SEC24B: variants seen among roughly 807,000 people sequenced by gnomAD.
SEC24B encodes the protein protein transport protein Sec24B.
A neutral mutation model predicts 142.8 loss-of-function variants in SEC24B; 45 were observed. That is an observed-to-expected ratio of 0.32 (90% CI 0.25 to 0.40). The LOEUF (loss-of-function observed/expected upper bound fraction) is 0.40. Among genes scored for constraint, SEC24B ranks in the 10% least tolerant of loss-of-function variants. The probability of loss-of-function intolerance (pLI) is 1.00; values close to 1 mark genes in which losing one functional copy is unlikely to be tolerated. For missense variants in SEC24B, 1,409 were observed against 1,526.8 expected (o/e 0.92, Z 1.29); for synonymous variants, 574 against 568.2 (o/e 1.01, Z -0.15).
intron 21 of SEC24B, 122 bp downstream of exon 21, chr4:109,532,865 G>A (rs759801687): frequency 8.4e-5 from 48 of 574,310 alleles, no homozygotes; most frequent in Non-Finnish European, 1.4e-4. Flanking sequence ...ATTAGGAGCT[G>A]AAATTGGTAA....
At chr4:109,481,286 C>T (rs1369430163) in intron 3 of SEC24B, among the ~76,000 whole-genome samples, 1 of 152,156 alleles carries the variant, frequency 6.6e-6, no homozygotes, top group Non-Finnish European at 1.5e-5. Flanking sequence ...AATCAGTTCA[C>T]TATAAATGAT....
intron 3 of SEC24B, among the ~76,000 whole-genome samples, chr4:109,473,751 C>A (rs1732777674): frequency 6.6e-6 from 1 of 152,198 alleles, no homozygotes; most frequent in Non-Finnish European, 1.5e-5. Flanking sequence ...TTTGACCCTG[C>A]TTCCCCACAT....
chr4:109,472,386 A>G (rs1578832351), intron 2 of SEC24B, among the ~76,000 whole-genome samples: 1 of 152,230 alleles, frequency 6.6e-6, no homozygotes, highest in Admixed American at 6.5e-5. Flanking sequence ...GAGCTATCAC[A>G]AAGACCAATG....
At chr4:109,522,313 A>G (rs974480478) in intron 14 of SEC24B, among the ~76,000 whole-genome samples, 7 of 151,810 alleles carry the variant, frequency 4.6e-5, no homozygotes, top group African/African-American at 1.7e-4. Flanking sequence ...AGCCTCCCAA[A>G]GTGCTGGGAT....
At chr4:109,471,102 T>C (rs539543714) in intron 2 of SEC24B, among the ~76,000 whole-genome samples, 22 of 152,300 alleles carry the variant, frequency 1.4e-4, no homozygotes, top group Non-Finnish European at 3.1e-4. Context: ...TACATACATG[T>C]GTATCAATAC....
chr4:109,540,675 G>C lies in SEC24B; in HGVS notation c.*1000G>C, dbSNP rs1726081254. 6.6e-6 allele frequency: 1 copy of C among 152,170 alleles called. No homozygotes were observed. Among genetic ancestry groups the C allele is most frequent in the Non-Finnish European group, 1.5e-5 (1 of 68,078 alleles). 9.4% of individuals were successfully genotyped at this position (152,170 alleles called of 1,614,324 possible). A position where few individuals can be genotyped will look rare whatever the true frequency, so the allele number is the denominator to read the frequency against. On this transcript the variant is annotated 3_prime_UTR_variant, in exon 24 of 24. Transcript: ENST00000265175. Reference sequence around the variant, plus strand: ...AGGTGGGCAGATGACTTGAGGTCAGGTGTTCATGACCTGCCTGACCAACAT... The same window carrying C: ...AGGTGGGCAGATGACTTGAGGTCAGCTGTTCATGACCTGCCTGACCAACAT...
At chr4:109,454,645 C>G (rs772761362) in intron 1 of SEC24B, among the ~76,000 whole-genome samples, 2 of 152,226 alleles carry the variant, frequency 1.3e-5, no homozygotes, top group Non-Finnish European at 2.9e-5. Context: ...CTGCCTGTCT[C>G]TCAGTCCCGT....
At position 109,439,223 on chromosome 4, in the gene SEC24B, A is replaced by G. The variant is rs144635151; in HGVS notation, c.133+5221A>G. 3.8e-3 allele frequency among the ~76,000 whole-genome samples: 581 copies of G among 152,326 alleles called. 2 individuals carry two copies. Among genetic ancestry groups the G allele is most frequent in the Non-Finnish European group, 6.1e-3 (417 of 68,026 alleles). The stretch of plus-strand genomic sequence containing the variant: ...CTCACTATGGAAGATGTAAATAAAC[A>G]TACCATTCATACAGCAGTACTATCG... On this transcript the variant is annotated intron_variant, in intron 1 of 23. Transcript: ENST00000265175.
At chr4:109,531,602 C>G in intron 20 of SEC24B, 80 bp downstream of exon 20, 3 of 1,052,562 alleles carry the variant, frequency 2.9e-6, no homozygotes, top group Non-Finnish European at 4.2e-6. Context: ...TGATAATATA[C>G]TATCAACTGG....
intron 4 of SEC24B, among the ~76,000 whole-genome samples, chr4:109,484,994 C>G (rs1387340643): frequency 6.6e-6 from 1 of 151,886 alleles, no homozygotes; most frequent in African/African-American, 2.4e-5. Flanking sequence ...ATTTTTAGCA[C>G]TTACTGAATG....
intron 1 of SEC24B, among the ~76,000 whole-genome samples, chr4:109,460,720 A>AT (rs975296230): frequency 1.3e-4 from 20 of 151,784 alleles, no homozygotes; most frequent in Admixed American, 9.2e-4. Flanking sequence ...AAGTTAATAT[A>AT]TGTAAAGCAT....
rs781663762 is a variant in SEC24B, at chr4:109,525,409, A to G, written c.2696A>G (p.Asn899Ser). ...TATCCATCATTCCACTATACTCACA[A>G]TCCTTCACAAGCAGAAAAGTTACAA... ...YYYPSFHYTH[N>S]PSQAEKLQKD... Residue 899 changes from asparagine (N) to serine (S), a missense_variant, in exon 16 of 24, where the codon AAT becomes AGT. Physicochemically the swap from Asn to Ser is conservative, Grantham distance 46. Coordinates refer to ENST00000265175, the MANE Select transcript of SEC24B (RefSeq NM_006323.5). 1.4e-5 allele frequency: 23 copies of G among 1,612,004 alleles called. No individual in the cohort carries two copies. Among genetic ancestry groups the G allele is most frequent in the Admixed American group, 3.3e-5 (2 of 59,836 alleles).
chr4:109,527,708 G>A (rs1578992587), intron 18 of SEC24B, among the ~76,000 whole-genome samples: 1 of 151,632 alleles, frequency 6.6e-6, no homozygotes, highest in Non-Finnish European at 1.5e-5. Context: ...AGAGGCGGAC[G>A]TTGCAGTGAG....
chr4:109,496,238 G>A (rs999814504), intron 6 of SEC24B, among the ~76,000 whole-genome samples: 23 of 151,694 alleles, frequency 1.5e-4, no homozygotes, highest in Admixed American at 4.6e-4. Context: ...TCAGCCTTCC[G>A]AGTAGCTGTG....
chr4:109,457,449 G>T (rs770444612), intron 1 of SEC24B, among the ~76,000 whole-genome samples: 5 of 152,220 alleles, frequency 3.3e-5, no homozygotes, highest in Admixed American at 6.5e-5. Flanking sequence ...CCTTCTTGCT[G>T]TGTCATAACA....
At chr4:109,494,539 A>T (rs1427079813) in intron 5 of SEC24B, 76 bp from the exon 6 acceptor site, 6 of 1,583,116 alleles carry the variant, frequency 3.8e-6, no homozygotes, top group Non-Finnish European at 5.2e-6. Context: ...GTCAGGGGTT[A>T]TGGACTGGAT....
chr4:109,533,015 TTGA>T (rs1310195934), intron 21 of SEC24B, among the ~76,000 whole-genome samples: 2 of 152,236 alleles, frequency 1.3e-5, no homozygotes, highest in Non-Finnish European at 2.9e-5. Flanking sequence ...TTATATATAC[TTGA>T]TGAAGAGAAC....
At position 109,500,304 on chromosome 4, in the gene SEC24B, G is replaced by A. The variant is rs954650790; in HGVS notation, c.1488+5448G>A. On this transcript the variant is annotated intron_variant, in intron 6 of 23. Coordinates refer to ENST00000265175, the MANE Select transcript of SEC24B (RefSeq NM_006323.5). ...CACACCTGTAATCCCAGCACTTTGGGAGGCTGAGGTGGGTGGATCACCTGA... is the reference window on the plus strand; with the variant it reads ...CACACCTGTAATCCCAGCACTTTGGAAGGCTGAGGTGGGTGGATCACCTGA... Among the ~76,000 whole-genome samples, 13 of 152,226 alleles carry A rather than the reference G, an allele frequency of 8.5e-5. No homozygotes were observed. The East Asian group carries it at 1.9e-3, about 23-fold the overall frequency.
intron 22 of SEC24B, 104 bp from the exon 23 acceptor site, chr4:109,538,389 T>TA (rs1393737346): frequency 1.1e-5 from 8 of 699,380 alleles, no homozygotes; most frequent in African/African-American, 1.1e-4. Flanking sequence ...GGCTAAGAAA[T>TA]AGAGTGCTGG....
Sources: allele counts gnomAD v4.1 joint callset (sites outside exome capture counted in the v4.1 genomes callset), GRCh38; gene constraint gnomAD v4.1.1; transcripts MANE v1.5; gene names NCBI Gene and HGNC (gene_info 2026-07-23, HGNC 2026-07-21).